The following MYO9A variants were observed in gnomAD, a reference collection of about 807,000 sequenced individuals.
MYO9A encodes unconventional myosin-IXa.
In MYO9A, 103 loss-of-function variants were observed where a neutral mutation model predicts 293.3. That is an observed-to-expected ratio of 0.35 (90% CI 0.30 to 0.41). The LOEUF (loss-of-function observed/expected upper bound fraction) is 0.41. Ranked by LOEUF, MYO9A falls within the 10% of genes least tolerant of loss-of-function variation. The pLI is 1.00. For synonymous variants in MYO9A, 1,001 were observed against 1,035.7 expected, an observed-to-expected ratio of 0.97 and a Z score of 0.64; for missense variants, 2,685 against 3,033.0, an observed-to-expected ratio of 0.89 and a Z score of 2.69.
At chr15:71,833,042 G>C (rs1158844314) in intron 39 of MYO9A, among the ~76,000 whole-genome samples, 1 of 151,822 alleles carries the variant, frequency 6.6e-6, no homozygotes, top group African/African-American at 2.4e-5. Context: ...GTAAAAAAAT[G>C]CAAGAAAGAG....
At chr15:72,022,511 C>T (rs1253753892) in intron 4 of MYO9A, among the ~76,000 whole-genome samples, 1 of 150,484 alleles carries the variant, frequency 6.6e-6, no homozygotes, top group African/African-American at 2.4e-5. Flanking sequence ...CAAGGCGAGA[C>T]TCTGTCTCAA....
At chr15:72,033,982 T>C (rs969087135) in intron 2 of MYO9A, among the ~76,000 whole-genome samples, 2 of 152,132 alleles carry the variant, frequency 1.3e-5, no homozygotes, top group South Asian at 4.1e-4. Flanking sequence ...AATCCTAAAG[T>C]AGCCATTTAC....
chr15:71,871,609 G>A (rs750416620), intron 32 of MYO9A, among the ~76,000 whole-genome samples: 2 of 151,112 alleles, frequency 1.3e-5, no homozygotes, highest in Non-Finnish European at 2.9e-5. Context: ...TGAGCCTGGC[G>A]AGGTTGTGAG....
chr15:72,108,762 ATTTTT>A (rs3028363), intron 1 of MYO9A, among the ~76,000 whole-genome samples: 7 of 139,242 alleles, frequency 5.0e-5, no homozygotes, highest in African/African-American at 1.9e-4. Context: ...TGACACATAC[ATTTTT>A]TTTTTTTTTT....
At chr15:72,102,668 G>C (rs1025902375) in intron 1 of MYO9A, among the ~76,000 whole-genome samples, 2 of 152,002 alleles carry the variant, frequency 1.3e-5, no homozygotes, top group Non-Finnish European at 2.9e-5. Context: ...GTCTCTAATG[G>C]AGTCTTGGCA....
chr15:72,108,762 A>ATTTTTTTTTTTTTTTTTTTTTTTT lies in MYO9A; in HGVS notation c.-72+8917_-72+8918insAAAAAAAAAAAAAAAAAAAAAAAA. Among the ~76,000 whole-genome samples, 6 of 139,242 alleles carry ATTTTTTTTTTTTTTTTTTTTTTTT rather than the reference A, an allele frequency of 4.3e-5. 3 individuals carry two copies. The highest frequency in any genetic ancestry group is 5.4e-5 in the African/African-American group (2 of 37,374). The allele number at this position is 139,242 out of a possible 152,430, so 91.3% of individuals were successfully genotyped here. ...GCAGTAAACTTGTCATGACACATAC[A>ATTTTTTTTTTTTTTTTTTTTTTTT]TTTTTTTTTTTTTTTTTGAGACAGA... On this transcript the variant is annotated intron_variant, in intron 1 of 41. Transcript: ENST00000356056.
chr15:71,923,064 A>G (rs1174197771), intron 18 of MYO9A, among the ~76,000 whole-genome samples: 2 of 152,230 alleles, frequency 1.3e-5, no homozygotes, highest in African/African-American at 2.4e-5. Context: ...TGTTCTGTCT[A>G]TATCATGAGA....
rs200495288 is a variant in MYO9A at position 72,021,059 on chromosome 15, T to C, written c.999-42A>G. The stretch of plus-strand genomic sequence containing the variant: ...AGTACAAGTTTCATAATGTGTGACT[T>C]ATGGTTATCATTTAACAGGGGGAGG... On this transcript the variant is annotated intron_variant, in intron 4 of 41. Coordinates refer to ENST00000356056, the MANE Select transcript of MYO9A (RefSeq NM_006901.4). 5 of 1,301,746 alleles carry C rather than the reference T, an allele frequency of 3.8e-6. No individual in the cohort carries two copies. In the African/African-American group the frequency reaches 7.7e-5, roughly 20 times the overall value. 80.6% of individuals were successfully genotyped at this position (1,301,746 alleles called of 1,614,324 possible). A position where few individuals can be genotyped will look rare whatever the true frequency, so the allele number is the denominator to read the frequency against.
chr15:71,939,165 G>A (rs2058708859), intron 15 of MYO9A, among the ~76,000 whole-genome samples: 2 of 152,064 alleles, frequency 1.3e-5, no homozygotes, highest in African/African-American at 4.8e-5. Context: ...ATTAACTTCA[G>A]AAAATACAAG....
At chr15:72,019,618 T>C (rs992117959) in intron 5 of MYO9A, among the ~76,000 whole-genome samples, 5 of 152,214 alleles carry the variant, frequency 3.3e-5, no homozygotes, top group African/African-American at 1.2e-4. Flanking sequence ...ATGGATACTT[T>C]AAATAACTTG....
At chr15:71,996,070 A>G (rs1022897058) in intron 9 of MYO9A, among the ~76,000 whole-genome samples, 5 of 152,174 alleles carry the variant, frequency 3.3e-5, no homozygotes, top group African/African-American at 1.2e-4. Context: ...TGGATGTGGA[A>G]TCTGTGCATA....
At chr15:71,961,172 A>T (rs965516523) in intron 13 of MYO9A, among the ~76,000 whole-genome samples, 1 of 152,220 alleles carries the variant, frequency 6.6e-6, no homozygotes, top group Non-Finnish European at 1.5e-5. Flanking sequence ...ACTGCTAGTA[A>T]CTTGGACTTG....
At position 71,824,555 on chromosome 15, in the gene MYO9A, C is replaced by T. The variant is rs978826119; in HGVS notation, c.*2025G>A. The T allele has an allele frequency of 9.2e-5, 14 of 152,206 alleles. No individual in the cohort carries two copies. The highest frequency in any genetic ancestry group is 3.1e-4 in the African/African-American group (13 of 41,450). The allele number at this position is 152,206 out of a possible 1,614,324, so 9.4% of individuals were successfully genotyped here. A position where few individuals can be genotyped will look rare whatever the true frequency, so the allele number is the denominator to read the frequency against. On this transcript the variant is annotated 3_prime_UTR_variant, in exon 42 of 42. Transcript: ENST00000356056. ...GAAACACAGACTGTGCAACCTGGCA[C>T]GGGGCTGAGGAACCAGCAATCCCAC... is the stretch of plus-strand genomic sequence containing the variant.
chr15:72,004,336 T>C (rs2076956266), intron 8 of MYO9A, among the ~76,000 whole-genome samples: 2 of 152,310 alleles, frequency 1.3e-5, no homozygotes, highest in African/African-American at 4.8e-5. Flanking sequence ...GGCGGGTGGA[T>C]CACCTGAGGT....
At position 72,059,178 on chromosome 15, in the gene MYO9A, G is replaced by A. The variant is rs189310304; in HGVS notation, c.-71-12544C>T. 3.8e-3 allele frequency among the ~76,000 whole-genome samples: 580 copies of A among 152,262 alleles called. 1 individual carries two copies. Among genetic ancestry groups the A allele is most frequent in the Admixed American group, 6.5e-3 (100 of 15,288 alleles). ...TCCTGCTTAATAATCAGTAGTACAG[G>A]TTGGAATCAAAGTTCCTCTTGGGGA... is the stretch of plus-strand genomic sequence containing the variant. On this transcript the variant is annotated intron_variant, in intron 1 of 41. Transcript: ENST00000356056.
intron 14 of MYO9A, among the ~76,000 whole-genome samples, chr15:71,956,868 T>C (rs2059214902): frequency 6.7e-6 from 1 of 149,350 alleles, no homozygotes; most frequent in Admixed American, 6.7e-5. Context: ...CAAATATATA[T>C]ATATATATAT....
chr15:71,851,486 G>T (rs763745853), intron 36 of MYO9A, 128 bp from the exon 37 acceptor site: 20 of 587,646 alleles, frequency 3.4e-5, no homozygotes, highest in Non-Finnish European at 5.5e-5. Context: ...TGTAGGGCAG[G>T]AGAAGAGCAA....
At chr15:71,914,976 C>T (rs535781421) in intron 19 of MYO9A, among the ~76,000 whole-genome samples, 3 of 152,042 alleles carry the variant, frequency 2.0e-5, no homozygotes, top group Non-Finnish European at 2.9e-5. Context: ...TTCATAATCA[C>T]GAGATTAATG....
At position 71,897,978 on chromosome 15, in the gene MYO9A, C is replaced by T; in HGVS notation, c.4525G>A (p.Glu1509Lys). 6.2e-7 allele frequency: 1 copy of T among 1,614,122 alleles called. No homozygotes were observed. The highest frequency in any genetic ancestry group is 8.5e-7 in the Non-Finnish European group (1 of 1,180,032). The change falls in exon 25 of 42, where the codon GAA becomes AAA. Residue 1509 changes from glutamate (E) to lysine (K), a missense_variant. This residue lies in a region of MYO9A where 1,434 missense variants were observed against 1,497.7 expected (regional missense o/e 0.96). Transcript: ENST00000356056. ...ERQKQLQQQN[E>K]KEMMEQIRQQ... Reference sequence around the variant, plus strand: ...CGAATCTGTTCCATCATCTCTTTTTCATTCTGTTGCTGCAACTGTTTTTGC... The same window carrying T: ...CGAATCTGTTCCATCATCTCTTTTTTATTCTGTTGCTGCAACTGTTTTTGC...
Sources: allele counts gnomAD v4.1 joint callset (sites outside exome capture counted in the v4.1 genomes callset), GRCh38; gene constraint gnomAD v4.1.1; regional missense constraint gnomAD v4.1.1; transcripts MANE v1.5; gene names NCBI Gene and HGNC (gene_info 2026-07-23, HGNC 2026-07-21).